Variants in SGCD observed in about 807,000 individuals in gnomAD.
SGCD encodes delta-sarcoglycan.
SGCD carries 18 observed loss-of-function variants against 36.6 expected under a neutral mutation model. That is an observed-to-expected ratio of 0.49 (90% confidence interval 0.34 to 0.73). The LOEUF (loss-of-function observed/expected upper bound fraction) is 0.73. Among genes scored for constraint, SGCD ranks in the 30% least tolerant of loss-of-function variants. The probability of loss-of-function intolerance (pLI) is 0.01; values close to 1 mark genes in which losing one functional copy is unlikely to be tolerated. For missense variants in SGCD, 387 were observed against 346.7 expected (o/e 1.12, Z -0.92); for synonymous variants, 133 against 130.6 (o/e 1.02, Z -0.12).
At chr5:156,576,239 G>T (rs1028046958) in intron 4 of SGCD, among the ~76,000 whole-genome samples, 1 of 152,080 alleles carries the variant, frequency 6.6e-6, no homozygotes, top group African/African-American at 2.4e-5. Flanking sequence ...CCATGTCCCT[G>T]CAAAGGACGT....
At chr5:156,023,136 G>A (rs1759145454) in intron 1 of SGCD, among the ~76,000 whole-genome samples, 1 of 152,246 alleles carries the variant, frequency 6.6e-6, no homozygotes, top group African/African-American at 2.4e-5. Context: ...TTTGAAATAT[G>A]AATGATGACA....
intron 3 of SGCD, among the ~76,000 whole-genome samples, chr5:156,448,263 T>A (rs1305435474): frequency 1.3e-5 from 2 of 152,170 alleles, no homozygotes. Flanking sequence ...TTCCACTCAT[T>A]GCTTTGACTC....
At chr5:156,271,227 G>A (rs770550297) in intron 3 of SGCD, among the ~76,000 whole-genome samples, 3 of 152,074 alleles carry the variant, frequency 2.0e-5, no homozygotes, top group Non-Finnish European at 4.4e-5. Context: ...GTTTAAATTG[G>A]GATCTGATCT....
rs183068682 is a variant in SGCD, at chr5:156,499,366, A to G, written c.193-9235A>G. On this transcript the variant is annotated intron_variant, in intron 3 of 8. Coordinates refer to ENST00000337851, the MANE Select transcript of SGCD (RefSeq NM_000337.6). ...TGCAATTAGATATTTAGGTATAGGC[A>G]ATGTACTGAGCCCCCAAGATGAAAT... Among the ~76,000 whole-genome samples the G allele has an allele frequency of 2.6e-3, 391 of 152,320 alleles. 2 individuals carry two copies. Among genetic ancestry groups the G allele is most frequent in the African/African-American group, 9.1e-3 (380 of 41,566 alleles).
chr5:155,960,703 T>C (rs936141535), intron 1 of SGCD, among the ~76,000 whole-genome samples: 8 of 152,092 alleles, frequency 5.3e-5, no homozygotes, highest in South Asian at 2.1e-4. Context: ...GTTTCACAGA[T>C]CTAAGATTTT....
At chr5:155,944,058 A>G (rs1182426851) in intron 1 of SGCD, among the ~76,000 whole-genome samples, 1 of 152,140 alleles carries the variant, frequency 6.6e-6, no homozygotes, top group Non-Finnish European at 1.5e-5. Flanking sequence ...GTATTTGAAG[A>G]TAGTTTGTTC....
chr5:155,963,672 C>T (rs1037849049), intron 1 of SGCD, among the ~76,000 whole-genome samples: 5 of 152,162 alleles, frequency 3.3e-5, no homozygotes, highest in Non-Finnish European at 7.4e-5. Context: ...AGTAAAGTGG[C>T]TTTTACAAAA....
intron 1 of SGCD, among the ~76,000 whole-genome samples, chr5:156,079,411 C>T (rs962757686): frequency 1.5e-4 from 23 of 152,152 alleles, no homozygotes; most frequent in Middle Eastern, 3.2e-3. Flanking sequence ...ATCATGCCTT[C>T]CTAACAGTCC....
intron 1 of SGCD, among the ~76,000 whole-genome samples, chr5:155,874,348 A>G (rs1249887317): frequency 6.6e-6 from 1 of 152,162 alleles, no homozygotes; most frequent in Non-Finnish European, 1.5e-5. Flanking sequence ...GAAGAAAAAA[A>G]TAGGAGAAAT....
At chr5:155,976,762 G>A (rs1314067499) in intron 1 of SGCD, among the ~76,000 whole-genome samples, 1 of 151,932 alleles carries the variant, frequency 6.6e-6, no homozygotes, top group Non-Finnish European at 1.5e-5. Context: ...CAGGCTCCAG[G>A]CATCATCCTG....
rs138693176 is a variant in SGCD, at chr5:156,285,893, C to T, written c.-43-43641C>T. Among the ~76,000 whole-genome samples the T allele has an allele frequency of 9.1e-3, 1,387 of 152,154 alleles. 17 individuals are homozygous for T. The highest frequency in any genetic ancestry group is 0.012 in the Non-Finnish European group (807 of 68,006). ...ACCATCAGAGTGAACAGGCAACCTA[C>T]AAAATGGGAGAAAAATTTTTAATCT... On this transcript the variant is annotated intron_variant, in intron 3 of 9. Transcript: ENST00000517913.
chr5:155,814,558 C>G, the SGCD span, among the ~76,000 whole-genome samples: 5 of 152,204 alleles, frequency 3.3e-5, no homozygotes, highest in East Asian at 9.7e-4. Context: ...AGCATGCTGA[C>G]CAGACCATAA....
chr5:156,303,865 C>CT (rs1484612978), intron 3 of SGCD, among the ~76,000 whole-genome samples: 3 of 151,448 alleles, frequency 2.0e-5, no homozygotes, highest in African/African-American at 7.3e-5. Flanking sequence ...TACTGTTTCC[C>CT]TTTTTCTCCT....
chr5:156,410,552 G>A (rs1331797712), intron 3 of SGCD, among the ~76,000 whole-genome samples: 1 of 152,212 alleles, frequency 6.6e-6, no homozygotes, highest in Non-Finnish European at 1.5e-5. Context: ...TAAAGTTACA[G>A]CTACCATGCA....
chr5:156,646,531 A>G (rs1763231954), intron 6 of SGCD, among the ~76,000 whole-genome samples: 1 of 152,166 alleles, frequency 6.6e-6, no homozygotes, highest in African/African-American at 2.4e-5. Flanking sequence ...TCTTTGTTGA[A>G]TATAATGGAG....
At chr5:155,899,205 G>A (rs2113333944) in intron 1 of SGCD, among the ~76,000 whole-genome samples, 1 of 152,266 alleles carries the variant, frequency 6.6e-6, no homozygotes, top group South Asian at 2.1e-4. Flanking sequence ...AGCTGCTCCT[G>A]TTGGTAACCC....
At chr5:156,651,112 T>C (rs1763442480) in intron 7 of SGCD, among the ~76,000 whole-genome samples, 5 of 152,182 alleles carry the variant, frequency 3.3e-5, no homozygotes, top group Admixed American at 3.3e-4. Context: ...TTGAGAAGTG[T>C]CCTTTTATTT....
intron 7 of SGCD, among the ~76,000 whole-genome samples, chr5:156,667,441 C>A (rs1753099543): frequency 6.6e-6 from 1 of 152,160 alleles, no homozygotes; most frequent in Admixed American, 6.5e-5. Context: ...TCCCCACACA[C>A]CCCAGCAATC....
intron 3 of SGCD, among the ~76,000 whole-genome samples, chr5:156,427,272 T>C (rs576358798): frequency 6.6e-6 from 1 of 152,284 alleles, no homozygotes; most frequent in South Asian, 2.1e-4. Context: ...ATTGGTTAAG[T>C]ATATTCCTAA....
Sources: gnomAD v4.1 joint callset for allele counts (sites outside exome capture counted in the v4.1 genomes callset) on GRCh38, gnomAD v4.1.1 for gene constraint, MANE v1.5 for transcripts, NCBI Gene and HGNC (gene_info 2026-07-23, HGNC 2026-07-21) for gene names.